Variants in FAM81A observed in about 807,000 individuals in gnomAD.
FAM81A encodes the protein family with sequence similarity 81 member A.
Under a neutral mutation model 46.7 loss-of-function variants are expected in FAM81A, and 19 were observed. The observed-to-expected ratio is 0.41, with a 90% confidence interval of 0.28 to 0.60. The LOEUF (loss-of-function observed/expected upper bound fraction) is 0.60, where lower values mean the gene tolerates loss of function less well. FAM81A is among the 20% of genes least tolerant of loss of function. The pLI, the probability that FAM81A is intolerant of heterozygous loss-of-function variation, is 0.34. For synonymous variants in FAM81A, 183 were observed against 152.9 expected (o/e 1.20, Z -1.45); for missense variants, 377 against 453.5 (o/e 0.83, Z 1.53).
At chr15:59,400,218 A>T (rs35506862) in intron 1 of FAM81A, among the ~76,000 whole-genome samples, 20,223 of 151,960 alleles carry the variant, frequency 0.13, 1,664 homozygotes, top group Middle Eastern at 0.23. Flanking sequence ...TGTCTGGGGG[A>T]ATGCGTCTGC....
intron 3 of FAM81A, among the ~76,000 whole-genome samples, chr15:59,461,704 T>G (rs1186511713): frequency 6.6e-6 from 1 of 152,190 alleles, no homozygotes; most frequent in East Asian, 1.9e-4. Flanking sequence ...CTGAGTAATA[T>G]TCTATTTTCT....
Position 59,449,531 on chromosome 15 carries a change from C to T in FAM81A, c.-77-9019C>T, listed in dbSNP as rs951456505. ...GCACGGTGGCTCACGCCTGTAATCCCAGCACTTTGGGAGGCCAAGGCGGGC... is the reference window on the plus strand; with the variant it reads ...GCACGGTGGCTCACGCCTGTAATCCTAGCACTTTGGGAGGCCAAGGCGGGC... On this transcript the variant is annotated intron_variant, in intron 1 of 8. Transcript: ENST00000288228. Among the ~76,000 whole-genome samples the T allele has an allele frequency of 5.9e-5, 9 of 152,194 alleles. No homozygotes were observed. In the East Asian group the frequency reaches 1.5e-3, roughly 26 times the overall value.
At chr15:59,468,136 T>C (rs1463905685) in intron 3 of FAM81A, among the ~76,000 whole-genome samples, 13 of 152,214 alleles carry the variant, frequency 8.5e-5, no homozygotes, top group African/African-American at 2.2e-4. Flanking sequence ...GATTTTCACA[T>C]TGAGTTCATC....
chr15:59,398,189 G>A (rs1408375389), intron 1 of FAM81A, among the ~76,000 whole-genome samples: 1 of 152,184 alleles, frequency 6.6e-6, no homozygotes, highest in African/African-American at 2.4e-5. Context: ...TATGTTAGGT[G>A]AGGACATCTT....
rs572593615 is a variant in FAM81A at position 59,475,736 on chromosome 15, A to G, written c.294+15530A>G. Among the ~76,000 whole-genome samples, 10 of 152,352 alleles carry G rather than the reference A, an allele frequency of 6.6e-5. No individual in the cohort carries two copies. The South Asian group carries it at 2.1e-3, about 32-fold the overall frequency. On this transcript the variant is annotated intron_variant, in intron 3 of 8. Coordinates refer to ENST00000288228, the MANE Select transcript of FAM81A (RefSeq NM_152450.3). Reference sequence around the variant, plus strand: ...ACTGGTAGTAACTATATATAATGACAAAGTAACAACAAGGAAGTTTAAAAA... The same window carrying G: ...ACTGGTAGTAACTATATATAATGACGAAGTAACAACAAGGAAGTTTAAAAA...
intron 4 of FAM81A, among the ~76,000 whole-genome samples, chr15:59,494,489 A>G (rs2082013848): frequency 6.6e-6 from 1 of 152,204 alleles, no homozygotes; most frequent in Non-Finnish European, 1.5e-5. Flanking sequence ...AAGTAGAAAA[A>G]TTATTTTGAA....
upstream of FAM81A, among the ~76,000 whole-genome samples, chr15:59,436,451 G>A (rs1250372235): frequency 6.6e-6 from 1 of 152,072 alleles, no homozygotes; most frequent in Non-Finnish European, 1.5e-5. Flanking sequence ...AATAAGAAGA[G>A]GAAGAAACAA....
chr15:59,405,640 C>CA (rs761885459), intron 2 of FAM81A, among the ~76,000 whole-genome samples: 2 of 91,318 alleles, frequency 2.2e-5, no homozygotes, highest in Non-Finnish European at 3.1e-5. Flanking sequence ...GACTTCATCT[C>CA]AAAAAAAAAG....
intron 2 of FAM81A, 57 bp downstream of exon 2, chr15:59,458,703 A>T: frequency 6.7e-7 from 1 of 1,499,976 alleles, no homozygotes; most frequent in Non-Finnish European, 9.3e-7. Context: ...TGATAGTTAC[A>T]AATCAAAGCT....
At chr15:59,409,616 G>C (rs2081111913) in intron 2 of FAM81A, among the ~76,000 whole-genome samples, 1 of 152,164 alleles carries the variant, frequency 6.6e-6, no homozygotes, top group East Asian at 1.9e-4. Flanking sequence ...AGACAGACGT[G>C]AAAAAAAGCC....
At chr15:59,473,041 A>T (rs1181181448) in intron 3 of FAM81A, among the ~76,000 whole-genome samples, 2 of 152,190 alleles carry the variant, frequency 1.3e-5, no homozygotes, top group African/African-American at 4.8e-5. Context: ...GGGATTTCAG[A>T]TTTATCAAGA....
intron 3 of FAM81A, among the ~76,000 whole-genome samples, chr15:59,464,773 A>G (rs186756730): frequency 1.8e-4 from 27 of 152,032 alleles, no homozygotes; most frequent in African/African-American, 5.3e-4. Context: ...TTGTCTTTTC[A>G]CTTTGTGGAT....
At chr15:59,466,645 AT>A (rs2081617190) in intron 3 of FAM81A, among the ~76,000 whole-genome samples, 1 of 152,166 alleles carries the variant, frequency 6.6e-6, no homozygotes, top group Admixed American at 6.5e-5. Flanking sequence ...ATTTTCTCCC[AT>A]TCTGTAGGTT....
Position 59,522,199 on chromosome 15 carries a change from G to A in FAM81A, c.*821G>A, listed in dbSNP as rs2082334781. The A allele has an allele frequency of 6.6e-6, 1 of 152,628 alleles. No individual in the cohort carries two copies. 9.5% of individuals were successfully genotyped at this position (152,628 alleles called of 1,614,324 possible). On this transcript the variant is annotated 3_prime_UTR_variant, in exon 9 of 9. Transcript: ENST00000288228. Reference sequence around the variant, plus strand: ...TTGTTCACTAATCAAATAGAATGTGGTAATTTTTCAGACTTTATGATCTGT... The same window carrying A: ...TTGTTCACTAATCAAATAGAATGTGATAATTTTTCAGACTTTATGATCTGT...
intron 3 of FAM81A, among the ~76,000 whole-genome samples, chr15:59,474,797 GT>G (rs780669585): frequency 1.3e-4 from 20 of 152,322 alleles, no homozygotes; most frequent in Middle Eastern, 3.4e-3. Flanking sequence ...ATCAAGGCCA[GT>G]TAGTGGCAGT....
intron 2 of FAM81A, among the ~76,000 whole-genome samples, chr15:59,415,496 A>G (rs904190537): frequency 3.3e-5 from 5 of 152,158 alleles, no homozygotes; most frequent in African/African-American, 9.7e-5. Flanking sequence ...TGGAACAGGG[A>G]GGCAGACGAG....
At chr15:59,470,360 C>A (rs933663449) in intron 3 of FAM81A, among the ~76,000 whole-genome samples, 2 of 152,204 alleles carry the variant, frequency 1.3e-5, no homozygotes, top group Admixed American at 6.5e-5. Context: ...TAGATTTGGT[C>A]TTTTCACATA....
At chr15:59,425,108 C>T (rs944295026) in intron 2 of FAM81A, among the ~76,000 whole-genome samples, 7 of 152,040 alleles carry the variant, frequency 4.6e-5, no homozygotes, top group Non-Finnish European at 8.8e-5. Flanking sequence ...TGGTCTCAAA[C>T]TCCTGGTCTC....
intron 1 of FAM81A, among the ~76,000 whole-genome samples, chr15:59,442,804 CACACACATATGTATGA>C (rs1359509574): frequency 1.3e-5 from 2 of 152,032 alleles, no homozygotes; most frequent in African/African-American, 4.8e-5. Flanking sequence ...TGTGTTTATT[CACACACATATGTATGA>C]ACACACATAT....
Sources: allele counts gnomAD v4.1 joint callset (sites outside exome capture counted in the v4.1 genomes callset), GRCh38; gene constraint gnomAD v4.1.1; transcripts MANE v1.5; gene names NCBI Gene and HGNC (gene_info 2026-07-23, HGNC 2026-07-21).